Variants in ZC2HC1B observed in about 807,000 individuals in gnomAD.
ZC2HC1B encodes zinc finger C2HC domain-containing protein 1B.
A neutral mutation model predicts 31.0 loss-of-function variants in ZC2HC1B; 36 were observed. The ratio of observed to expected loss-of-function variants is 1.16; its 90% CI spans 0.89 to 1.54. The LOEUF (loss-of-function observed/expected upper bound fraction) is 1.54. Among genes scored for constraint, ZC2HC1B ranks in the 40% most tolerant of loss-of-function variants. ZC2HC1B has a pLI of 0.00. For synonymous variants in ZC2HC1B, 73 were observed against 88.0 expected (o/e 0.83, Z 0.95); for missense variants, 260 against 268.6 (o/e 0.97, Z 0.22).
In ZC2HC1B at chr6:143,869,685, C is replaced by T. The variant is rs1162695183; in HGVS notation, c.28+5118C>T. The stretch of plus-strand genomic sequence containing the variant: ...AAGAGGTTCAATGTAATCAACCTGC[C>T]AGCAGGTAGCTGGCTGATCACCCTG... On this transcript the variant is annotated intron_variant, in intron 1 of 7. Transcript: ENST00000237275. The surrounding 1 kb of genome is among the most constrained non-coding windows in gnomAD (Gnocchi z 5.2). Among the ~76,000 whole-genome samples, 1 of 152,172 alleles carries T rather than the reference C, an allele frequency of 6.6e-6. No homozygotes were observed. Among genetic ancestry groups the T allele is most frequent in the Non-Finnish European group, 1.5e-5 (1 of 68,028 alleles).
intron 6 of ZC2HC1B, among the ~76,000 whole-genome samples, chr6:143,935,166 A>G (rs1269063132): frequency 1.3e-5 from 2 of 151,928 alleles, no homozygotes; most frequent in African/African-American, 4.8e-5. Flanking sequence ...AAGTCCATGG[A>G]TGATGTATGC....
Position 143,913,499 on chromosome 6 carries a change from A to G in ZC2HC1B, c.598+10347A>G, listed in dbSNP as rs574246670. On this transcript the variant is annotated intron_variant, in intron 6 of 7. Transcript: ENST00000237275. The surrounding 1 kb of genome is among the most constrained non-coding windows in gnomAD (Gnocchi z 5.7). ...CAGGTGTGGTGGAAGTGGGGTCTAC[A>G]GAATGATGCTGCTTGGCTCCCTGGA... is the stretch of plus-strand genomic sequence containing the variant. Among the ~76,000 whole-genome samples the G allele has an allele frequency of 1.1e-4, 17 of 152,270 alleles. No individual in the cohort carries two copies. The East Asian group carries it at 3.1e-3, about 28-fold the overall frequency.
rs78608409 is a variant in ZC2HC1B, at chr6:143,885,363, C to A, written c.91-669C>A. 0.05 allele frequency among the ~76,000 whole-genome samples: 7,588 copies of A among 152,240 alleles called. 210 individuals carry two copies. The highest frequency in any genetic ancestry group is 0.074 in the African/African-American group (3,053 of 41,532). ...CACCCCCTGAGAATTAGTTTGAGAC[C>A]TGGGAGGTTCCATTTGCAGAGGGAT... On this transcript the variant is annotated intron_variant, in intron 2 of 7. Transcript: ENST00000237275. This position sits in a 1 kb window ranked among gnomAD's most constrained non-coding sequence, Gnocchi z 4.2.
Position 143,868,489 on chromosome 6 carries a change from G to A in ZC2HC1B, c.28+3922G>A, listed in dbSNP as rs1777296582. ...ACATTTTTTTTTTCTGCCTGCTTTA[G>A]ATTCGATCTGCGCTGGCAGGTGACT... On this transcript the variant is annotated intron_variant, in intron 1 of 7. Coordinates refer to ENST00000237275, the MANE Select transcript of ZC2HC1B (RefSeq NM_001013623.3). This position sits in a 1 kb window ranked among gnomAD's most constrained non-coding sequence, Gnocchi z 4.2. Among the ~76,000 whole-genome samples the A allele has an allele frequency of 1.3e-5, 2 of 152,018 alleles. No homozygotes were observed. Among genetic ancestry groups the A allele is most frequent in the African/African-American group, 4.8e-5 (2 of 41,448 alleles).
At position 143,933,700 on chromosome 6, in the gene ZC2HC1B, T is replaced by A. The variant is rs1778147951; in HGVS notation, c.599-3949T>A. Among the ~76,000 whole-genome samples, 1 of 152,054 alleles carries A rather than the reference T, an allele frequency of 6.6e-6. No homozygotes were observed. The highest frequency in any genetic ancestry group is 1.5e-5 in the Non-Finnish European group (1 of 67,988). On this transcript the variant is annotated intron_variant, in intron 6 of 7. Coordinates refer to ENST00000237275, the MANE Select transcript of ZC2HC1B (RefSeq NM_001013623.3). This position sits in a 1 kb window ranked among gnomAD's most constrained non-coding sequence, Gnocchi z 6.4. Reference sequence around the variant, plus strand: ...TGCCCTGCTAACCGTGCCAAGTTTATCTCTAGGCAGCCTGCAGCCTGGGAC... The same window carrying A: ...TGCCCTGCTAACCGTGCCAAGTTTAACTCTAGGCAGCCTGCAGCCTGGGAC...
chr6:143,892,297 CT>C (rs35514285), intron 4 of ZC2HC1B, among the ~76,000 whole-genome samples: 5,435 of 135,084 alleles, frequency 0.04, 328 homozygotes, highest in African/African-American at 0.13. Flanking sequence ...GTGACAGGCT[CT>C]TTTTTTTTTT....
intron 4 of ZC2HC1B, among the ~76,000 whole-genome samples, chr6:143,888,975 T>C (rs1777565268): frequency 6.6e-6 from 1 of 152,016 alleles, no homozygotes; most frequent in South Asian, 2.1e-4. Context: ...GTGTTTTCCA[T>C]TGAGGATAAT....
In ZC2HC1B at chr6:143,872,455, C is replaced by T. The variant is rs1413460045; in HGVS notation, c.28+7888C>T. 6.6e-6 allele frequency among the ~76,000 whole-genome samples: 1 copy of T among 152,256 alleles called. No individual in the cohort carries two copies. The highest frequency in any genetic ancestry group is 1.9e-4 in the East Asian group (1 of 5,208). On this transcript the variant is annotated intron_variant, in intron 1 of 7. Coordinates refer to ENST00000237275, the MANE Select transcript of ZC2HC1B (RefSeq NM_001013623.3). This position sits in a 1 kb window ranked among gnomAD's most constrained non-coding sequence, Gnocchi z 5.5. ...CCTCTGCAGTCCATTACAGTAGCTACATCCACCTTGCCTTTGATGGCTGAG... is the reference window on the plus strand; with the variant it reads ...CCTCTGCAGTCCATTACAGTAGCTATATCCACCTTGCCTTTGATGGCTGAG...
At chr6:143,891,587 T>C (rs1453008062) in intron 4 of ZC2HC1B, among the ~76,000 whole-genome samples, 1 of 150,494 alleles carries the variant, frequency 6.6e-6, no homozygotes, top group Non-Finnish European at 1.5e-5. Flanking sequence ...TTGTAATCCC[T>C]GCTACTCAGG....
chr6:143,916,457 T>C (rs1354676433), intron 6 of ZC2HC1B, among the ~76,000 whole-genome samples: 1 of 152,180 alleles, frequency 6.6e-6, no homozygotes, highest in Admixed American at 6.5e-5. Context: ...CTAGTGGAGC[T>C]GTGAGAAGAG....
intron 4 of ZC2HC1B, among the ~76,000 whole-genome samples, chr6:143,889,254 T>TA (rs1170887941): frequency 6.6e-6 from 1 of 151,170 alleles, no homozygotes; most frequent in African/African-American, 2.4e-5. Context: ...GGAGTAGAGA[T>TA]AAAAAATGCA....
intron 6 of ZC2HC1B, among the ~76,000 whole-genome samples, chr6:143,920,042 CTT>C (rs1367769544): frequency 2.6e-5 from 4 of 151,984 alleles, no homozygotes; most frequent in Non-Finnish European, 5.9e-5. Flanking sequence ...TTTGGTAAAA[CTT>C]TTACCAATAA....
In ZC2HC1B at chr6:143,871,477, C is replaced by A. The variant is rs1777335819; in HGVS notation, c.28+6910C>A. Among the ~76,000 whole-genome samples the A allele has an allele frequency of 6.6e-6, 1 of 152,194 alleles. No individual in the cohort carries two copies. Among genetic ancestry groups the A allele is most frequent in the Non-Finnish European group, 1.5e-5 (1 of 68,046 alleles). On this transcript the variant is annotated intron_variant, in intron 1 of 7. Transcript: ENST00000237275. The surrounding 1 kb of genome is among the most constrained non-coding windows in gnomAD (Gnocchi z 4.1). ...CAAGTCAATGGCTGCATACCAGGTA[C>A]CAAGAAATGTGTTAATTGGCTCAAA... is the stretch of plus-strand genomic sequence containing the variant.
chr6:143,888,301 G>A (rs193075372), intron 4 of ZC2HC1B, among the ~76,000 whole-genome samples: 6 of 152,070 alleles, frequency 3.9e-5, no homozygotes, highest in Admixed American at 3.3e-4. Context: ...TTTGAATACT[G>A]TAGTATTCTA....
rs1297183559 is a variant in ZC2HC1B at position 143,885,452 on chromosome 6, A to C, written c.91-580A>C. Among the ~76,000 whole-genome samples, 1 of 152,216 alleles carries C rather than the reference A, an allele frequency of 6.6e-6. No homozygotes were observed. Among genetic ancestry groups the C allele is most frequent in the Non-Finnish European group, 1.5e-5 (1 of 68,032 alleles). ...CATTTCCTAAGCCTATTTCTAGGCT[A>C]TGGAGGGCATTGATCAAATGATTTG... is the stretch of plus-strand genomic sequence containing the variant. On this transcript the variant is annotated intron_variant, in intron 2 of 7. Transcript: ENST00000237275. This position sits in a 1 kb window ranked among gnomAD's most constrained non-coding sequence, Gnocchi z 4.2.
intron 6 of ZC2HC1B, among the ~76,000 whole-genome samples, chr6:143,930,487 TG>T (rs1206525443): frequency 6.7e-6 from 1 of 150,118 alleles, no homozygotes; most frequent in Non-Finnish European, 1.5e-5. Context: ...CCTGGGTTCA[TG>T]CCATTCTCCT....
rs143862607 is a variant in ZC2HC1B at position 143,914,092 on chromosome 6, C to T, written c.598+10940C>T. Among the ~76,000 whole-genome samples the T allele has an allele frequency of 4.2e-3, 632 of 152,204 alleles. 6 individuals are homozygous for T. Among genetic ancestry groups the T allele is most frequent in the Non-Finnish European group, 4.7e-3 (317 of 68,018 alleles). ...TTCTATTCTTGATTTCATTTCTCTC[C>T]GTCTAACCTTTATTATCTACTTTCT... On this transcript the variant is annotated intron_variant, in intron 6 of 7. Transcript: ENST00000237275.
chr6:143,898,324 A>G (rs1434704086), intron 4 of ZC2HC1B, among the ~76,000 whole-genome samples: 7 of 151,970 alleles, frequency 4.6e-5, no homozygotes, highest in Non-Finnish European at 8.8e-5. Flanking sequence ...ACACACCACC[A>G]CACCTGGCTA....
chr6:143,936,528 AT>A (rs1446128996), intron 6 of ZC2HC1B, among the ~76,000 whole-genome samples: 1 of 152,244 alleles, frequency 6.6e-6, no homozygotes, highest in Non-Finnish European at 1.5e-5. Flanking sequence ...CAGATGGGGA[AT>A]GAGTGTATAG....
Sources: gnomAD v4.1 joint callset for allele counts (sites outside exome capture counted in the v4.1 genomes callset) on GRCh38, gnomAD v4.1.1 for gene constraint, Gnocchi (gnomAD v3.1) non-coding constraint, MANE v1.5 for transcripts, NCBI Gene and HGNC (gene_info 2026-07-23, HGNC 2026-07-21) for gene names.